The following PGLYRP4 variants were observed in gnomAD, a reference collection of about 807,000 sequenced individuals.
The protein encoded by PGLYRP4 is peptidoglycan recognition protein 4, also known as PGRP-I-beta.
PGLYRP4 carries 39 observed loss-of-function variants against 41.2 expected under a neutral mutation model. That is an observed-to-expected ratio of 0.95 (90% CI 0.73 to 1.24). The LOEUF is 1.24. Ranked by LOEUF, PGLYRP4 falls within the 50% of genes most tolerant of loss-of-function variation. The probability of loss-of-function intolerance (pLI) is 0.00; values close to 1 mark genes in which losing one functional copy is unlikely to be tolerated. For missense variants in PGLYRP4, 467 were observed against 460.7 expected (o/e 1.01, Z -0.13); for synonymous variants, 202 against 186.8 (o/e 1.08, Z -0.66).
intron 8 of PGLYRP4, among the ~76,000 whole-genome samples, 196 bp from the exon 9 acceptor site, chr1:153,331,141 C>T (rs1324189783): frequency 2.6e-5 from 4 of 152,126 alleles, no homozygotes; most frequent in African/African-American, 9.7e-5. Context: ...AGAGCCAAGC[C>T]TGGGATAATA....
chr1:153,330,688 T>C lies in PGLYRP4; in HGVS notation c.*79A>G, dbSNP rs995146855. 1.6e-5 allele frequency: 21 copies of C among 1,311,184 alleles called. No homozygotes were observed. The highest frequency in any genetic ancestry group is 2.0e-5 in the Non-Finnish European group (19 of 930,834). 81.2% of individuals were successfully genotyped at this position (1,311,184 alleles called of 1,614,324 possible). On this transcript the variant is annotated 3_prime_UTR_variant, in exon 9 of 9. Coordinates refer to ENST00000359650, the MANE Select transcript of PGLYRP4 (RefSeq NM_020393.4). ...TGGCAGGGGAGGAGGGCAAAAGGTG[T>C]TGAGCCAAGCTGGATGGTTAGGACA... is the stretch of plus-strand genomic sequence containing the variant.
rs1241081254 is a variant in PGLYRP4 at position 153,348,523 on chromosome 1, C to T, written c.-47+5G>A. The T allele has an allele frequency of 1.3e-5, 2 of 152,834 alleles. No homozygotes were observed. Among genetic ancestry groups the T allele is most frequent in the Non-Finnish European group, 2.9e-5 (2 of 68,508 alleles). The allele number at this position is 152,834 out of a possible 1,614,324, so 9.5% of individuals were successfully genotyped here. A position where few individuals can be genotyped will look rare whatever the true frequency, so the allele number is the denominator to read the frequency against. On this transcript the variant is annotated splice_donor_5th_base_variant and intron_variant, in intron 1 of 8. Transcript: ENST00000359650. ...TTCTGAAGAAGAAACACATACTCAA[C>T]TCACAGATATCTGTGGGTCCTGTGC...
intron 7 of PGLYRP4, among the ~76,000 whole-genome samples, chr1:153,338,794 G>A (rs376989052): frequency 8.5e-5 from 13 of 152,090 alleles, no homozygotes; most frequent in Admixed American, 2.6e-4. Context: ...CTTCCTTCAC[G>A]CCTATTTTCC....
In PGLYRP4 at chr1:153,337,307, A is replaced by T. The variant is rs1340699673; in HGVS notation, c.825-8T>A. 2.6e-6 allele frequency: 4 copies of T among 1,546,744 alleles called. No individual in the cohort carries two copies. The highest frequency in any genetic ancestry group is 3.5e-6 in the Non-Finnish European group (4 of 1,127,796). ...TCCTGGCCCACCAGGAAGCTAGAGGACCACAAGGGGAGATGGAGACCAGCA... is the reference window on the plus strand; with the variant it reads ...TCCTGGCCCACCAGGAAGCTAGAGGTCCACAAGGGGAGATGGAGACCAGCA... On this transcript the variant is annotated splice_region_variant and splice_polypyrimidine_tract_variant and intron_variant, in intron 7 of 8. Transcript: ENST00000359650.
intron 2 of PGLYRP4, among the ~76,000 whole-genome samples, chr1:153,347,073 T>TTTTG (rs566678457): frequency 1.6e-4 from 25 of 152,240 alleles, no homozygotes; most frequent in East Asian, 1.4e-3. Context: ...TTGTTTTGTT[T>TTTTG]TTTGTTTGTT....
rs1660741171 is a variant in PGLYRP4, at chr1:153,340,364, T to C, written c.824+17A>G. 6.2e-6 allele frequency: 10 copies of C among 1,610,942 alleles called. No individual in the cohort carries two copies. The East Asian group carries it at 2.2e-4, about 36-fold the overall frequency. The stretch of plus-strand genomic sequence containing the variant: ...CCCCCAAGGGAAAAGAAGCCCAGTG[T>C]ACCCAGACCCACTCACTTATAACCA... On this transcript the variant is annotated intron_variant, in intron 7 of 8. Coordinates refer to ENST00000359650, the MANE Select transcript of PGLYRP4 (RefSeq NM_020393.4).
intron 8 of PGLYRP4, among the ~76,000 whole-genome samples, chr1:153,334,351 G>T (rs1660454802): frequency 6.6e-6 from 1 of 150,466 alleles, no homozygotes; most frequent in South Asian, 2.1e-4. Flanking sequence ...ATATATAGGT[G>T]TGTATATGTT....
intron 3 of PGLYRP4, 24 bp from the exon 4 acceptor site, chr1:153,345,406 C>G (rs1178756415): frequency 3.7e-6 from 6 of 1,600,606 alleles, no homozygotes; most frequent in Non-Finnish European, 5.1e-6. Context: ...CTCAGCGCAC[C>G]TGCCCCATCA....
At chr1:153,335,695 A>T (rs1313575590) in intron 8 of PGLYRP4, among the ~76,000 whole-genome samples, 2 of 150,782 alleles carry the variant, frequency 1.3e-5, no homozygotes, top group Admixed American at 6.6e-5. Context: ...ACTGCACTCC[A>T]GCCTGGCGAC....
chr1:153,337,146 A>G (rs1660601071), intron 8 of PGLYRP4, 35 bp downstream of exon 8: 1 of 1,368,128 alleles, frequency 7.3e-7, no homozygotes, highest in Non-Finnish European at 1.0e-6. Flanking sequence ...TTCAAATACC[A>G]TGCAATGACC....
In PGLYRP4 at chr1:153,347,676, G is replaced by A. The variant is rs75404325; in HGVS notation, c.49+208C>T. Reference sequence around the variant, plus strand: ...CATAAGCCACCACCCCTGGCCAAGAGAGAGTAGTTTTTTTTGTTGTTGTTT... The same window carrying A: ...CATAAGCCACCACCCCTGGCCAAGAAAGAGTAGTTTTTTTTGTTGTTGTTT... On this transcript the variant is annotated intron_variant, in intron 2 of 8. Transcript: ENST00000359650. Among the ~76,000 whole-genome samples the A allele has an allele frequency of 8.1e-3, 1,229 of 151,824 alleles. 31 individuals carry two copies. In the East Asian group the frequency reaches 0.09, roughly 11 times the overall value.
chr1:153,333,451 A>G (rs530574152), intron 8 of PGLYRP4, among the ~76,000 whole-genome samples: 1 of 152,290 alleles, frequency 6.6e-6, no homozygotes, highest in South Asian at 2.1e-4. Flanking sequence ...CCAACAACAA[A>G]AAGCCCAGGA....
chr1:153,344,460 C>A (rs1660919305), intron 4 of PGLYRP4, among the ~76,000 whole-genome samples: 1 of 152,138 alleles, frequency 6.6e-6, no homozygotes, highest in Admixed American at 6.5e-5. Context: ...ACACACCAAG[C>A]CCTGTCCCCC....
chr1:153,343,247 G>A (rs1660871020), intron 4 of PGLYRP4, 39 bp from the exon 5 acceptor site: 2 of 1,407,758 alleles, frequency 1.4e-6, no homozygotes, highest in Non-Finnish European at 1.0e-6. Flanking sequence ...GGCTGGCACT[G>A]TAGGACATTC....
At position 153,337,278 on chromosome 1, in the gene PGLYRP4, G is replaced by T. The variant is rs184556258; in HGVS notation, c.846C>A (p.Gly282=). 6.2e-7 allele frequency: 1 copy of T among 1,608,736 alleles called. No individual in the cohort carries two copies. The highest frequency in any genetic ancestry group is 1.1e-5 in the South Asian group (1 of 90,486). Residue 282 remains glycine, a synonymous_variant, in exon 8 of 9, where the codon GGC becomes GGA. Transcript: ENST00000359650. ...IGYNFLVGQD[G]AIYEGVGWNV... ...TCCAGCCCACCCCTTCATAAATGGCGCCATCCTGGCCCACCAGGAAGCTAG... is the reference window on the plus strand; with the variant it reads ...TCCAGCCCACCCCTTCATAAATGGCTCCATCCTGGCCCACCAGGAAGCTAG...
At chr1:153,340,792 A>G in intron 6 of PGLYRP4, among the ~76,000 whole-genome samples, 1 of 152,028 alleles carries the variant, frequency 6.6e-6, no homozygotes, top group East Asian at 1.9e-4. Context: ...AAGAATATGT[A>G]TTTGAGTCAT....
rs545351978 is a variant in PGLYRP4, at chr1:153,348,511, A to C, written c.-47+17T>G. 20 of 153,016 alleles carry C rather than the reference A, an allele frequency of 1.3e-4. No individual in the cohort carries two copies. In the South Asian group the frequency reaches 4.1e-3, roughly 31 times the overall value. The allele number at this position is 153,016 out of a possible 1,614,324, so 9.5% of individuals were successfully genotyped here. A position where few individuals can be genotyped will look rare whatever the true frequency, so the allele number is the denominator to read the frequency against. On this transcript the variant is annotated intron_variant, in intron 1 of 8. Transcript: ENST00000359650. ...CTGGAAGAGGGCTTCTGAAGAAGAA[A>C]CACATACTCAACTCACAGATATCTG...
intron 8 of PGLYRP4, among the ~76,000 whole-genome samples, chr1:153,332,084 A>AAATAAATT (rs1660362445): frequency 6.6e-6 from 1 of 151,926 alleles, no homozygotes. Context: ...CCTAACTGGT[A>AAATAAATT]AATAAATTTA....
rs751650188 is a variant in PGLYRP4, at chr1:153,346,165, C to A, written c.76G>T (p.Ala26Ser). Residue 26 changes from alanine to serine, a missense_variant, in exon 3 of 9, where the codon GCT becomes TCT. Physicochemically the swap from Ala to Ser is moderately conservative, Grantham distance 99 (BLOSUM62 1). Transcript: ENST00000359650. ...TGGAGCCCCTCTGATACCTGTTTAG[C>A]TTGTGTTTTGTTCCAGGAGGAATCA... is the stretch of plus-strand genomic sequence containing the variant. ...WGDSSWNKTQ[A>S]KQVSEGLQYL... The A allele has an allele frequency of 6.2e-7, 1 of 1,614,060 alleles. No individual in the cohort carries two copies. Among genetic ancestry groups the A allele is most frequent in the Non-Finnish European group, 8.5e-7 (1 of 1,179,882 alleles).
Sources: gnomAD v4.1 joint callset for allele counts (sites outside exome capture counted in the v4.1 genomes callset) on GRCh38, gnomAD v4.1.1 for gene constraint, MANE v1.5 for transcripts, NCBI Gene and HGNC (gene_info 2026-07-23, HGNC 2026-07-21) for gene names.